Variants in SEC22C observed in about 807,000 individuals in gnomAD.
SEC22C encodes SEC22 homolog C, vesicle trafficking protein.
Under a neutral mutation model 34.7 loss-of-function variants are expected in SEC22C, and 29 were observed. The observed-to-expected ratio is 0.84, with a 90% CI of 0.62 to 1.14. The LOEUF (loss-of-function observed/expected upper bound fraction) is 1.14, where lower values mean the gene tolerates loss of function less well. Ranked by LOEUF, SEC22C falls within the 50% of genes most tolerant of loss-of-function variation. SEC22C has a pLI of 0.00. For missense variants in SEC22C, 337 were observed against 369.0 expected (o/e 0.91, Z 0.71); for synonymous variants, 117 against 132.8 (o/e 0.88, Z 0.82).
At chr3:42,599,299 T>C (rs897113916) in intron 1 of SEC22C, among the ~76,000 whole-genome samples, 1 of 151,158 alleles carries the variant, frequency 6.6e-6, no homozygotes, top group Non-Finnish European at 1.5e-5. Flanking sequence ...AAAAAAAAAC[T>C]TATAAAATAG....
At chr3:42,598,924 G>T (rs1238246854) in intron 1 of SEC22C, among the ~76,000 whole-genome samples, 3 of 145,932 alleles carry the variant, frequency 2.1e-5, no homozygotes, top group Admixed American at 2.0e-4. Context: ...TATATCTATA[G>T]ATCTATAGAT....
chr3:42,572,242 A>C (rs1420657598), intron 1 of SEC22C, among the ~76,000 whole-genome samples: 1 of 151,992 alleles, frequency 6.6e-6, no homozygotes, highest in Non-Finnish European at 1.5e-5. Context: ...AAGCCAAAAA[A>C]ACTTTGTTCT....
chr3:42,599,137 T>C lies in SEC22C; in HGVS notation c.-28+1823A>G, dbSNP rs372301111. Reference sequence around the variant, plus strand: ...ACCGCCACCACGCCCGGCTAATTTTTTGTATTTTTAGTAGAGAAAGGGTTT... The same window carrying C: ...ACCGCCACCACGCCCGGCTAATTTTCTGTATTTTTAGTAGAGAAAGGGTTT... On this transcript the variant is annotated intron_variant, in intron 1 of 6. Coordinates refer to the SEC22C transcript ENST00000417572. Among the ~76,000 whole-genome samples, 37 of 151,622 alleles carry C rather than the reference T, an allele frequency of 2.4e-4. No individual in the cohort carries two copies. In the East Asian group the frequency reaches 6.2e-3, roughly 25 times the overall value.
chr3:42,589,197 AG>A (rs1342787808), intron 1 of SEC22C, among the ~76,000 whole-genome samples: 1 of 150,088 alleles, frequency 6.7e-6, no homozygotes, highest in African/African-American at 2.5e-5. Flanking sequence ...TGAACCCGGG[AG>A]GCAGAGGTTG....
At position 42,581,230 on chromosome 3, in the gene SEC22C, A is replaced by G. The variant is rs147795597; in HGVS notation, c.-28+616T>C. 4 of 152,214 alleles carry G rather than the reference A, an allele frequency of 2.6e-5. No homozygotes were observed. In the East Asian group the frequency reaches 7.7e-4, roughly 29 times the overall value. 9.4% of individuals were successfully genotyped at this position (152,214 alleles called of 1,614,324 possible). A position where few individuals can be genotyped will look rare whatever the true frequency, so the allele number is the denominator to read the frequency against. ...ACCCTATATGTTGGTTCTGAGCTGT[A>G]TTTTTTTCTGACCATGTCACAAATT... On this transcript the variant is annotated intron_variant, in intron 1 of 6. Transcript: ENST00000264454.
At chr3:42,573,956 T>A (rs1703796977) in intron 1 of SEC22C, among the ~76,000 whole-genome samples, 1 of 152,224 alleles carries the variant, frequency 6.6e-6, no homozygotes, top group South Asian at 2.1e-4. Context: ...TTTCTGAATA[T>A]TTCCCAAACT....
intron 1 of SEC22C, chr3:42,600,903 T>G: frequency 1.2e-6 from 1 of 869,042 alleles, no homozygotes; most frequent in Non-Finnish European, 1.6e-6. Flanking sequence ...GGCGCGGACT[T>G]CGTCTCAGCC....
rs1208501866 is a variant in SEC22C at position 42,550,783 on chromosome 3, C to T, written c.*2465G>A. On this transcript the variant is annotated 3_prime_UTR_variant, in exon 7 of 7. Coordinates refer to ENST00000264454, the MANE Select transcript of SEC22C (RefSeq NM_032970.4). The stretch of plus-strand genomic sequence containing the variant: ...AATATGGATCATAGGCTCAGATGCC[C>T]AAAGCACCTGGGGTACAGGTCTACA... 2 of 984,858 alleles carry T rather than the reference C, an allele frequency of 2.0e-6. No homozygotes were observed. Among genetic ancestry groups the T allele is most frequent in the East Asian group, 2.3e-4 (2 of 8,806 alleles). 61.0% of individuals were successfully genotyped at this position (984,858 alleles called of 1,614,324 possible).
At chr3:42,576,117 T>C (rs1252468513) in intron 1 of SEC22C, among the ~76,000 whole-genome samples, 1 of 151,690 alleles carries the variant, frequency 6.6e-6, no homozygotes, top group Non-Finnish European at 1.5e-5. Flanking sequence ...ATCCGTAAGT[T>C]AAAAAGGAAA....
In SEC22C at chr3:42,553,458, G is replaced by A. The variant is rs1374755281; in HGVS notation, c.712-10C>T. ...ACAGGTACAAATAACACTGAAATGA[G>A]ACCAGAAGAGGAATTCCAATCAGAG... On this transcript the variant is annotated splice_polypyrimidine_tract_variant and intron_variant, in intron 6 of 6. Transcript: ENST00000264454. 3 of 1,610,916 alleles carry A rather than the reference G, an allele frequency of 1.9e-6. No individual in the cohort carries two copies.
In SEC22C at chr3:42,549,068, T is replaced by C; in HGVS notation, c.*4180A>G. ...AGTGAAGAGCCTAGCCAGCTGACGG[T>C]CAGCTGACTGGTGCACTCTTTCCCT... On this transcript the variant is annotated 3_prime_UTR_variant, in exon 7 of 7. Coordinates refer to ENST00000264454, the MANE Select transcript of SEC22C (RefSeq NM_032970.4). 1 of 996,922 alleles carries C rather than the reference T, an allele frequency of 1.0e-6. No homozygotes were observed. 61.8% of individuals were successfully genotyped at this position (996,922 alleles called of 1,614,324 possible).
intron 1 of SEC22C, among the ~76,000 whole-genome samples, chr3:42,590,617 T>C (rs935656185): frequency 7.4e-5 from 11 of 148,570 alleles, no homozygotes; most frequent in African/African-American, 2.5e-4. Flanking sequence ...AGCCTAACAC[T>C]GGAGGTGCTG....
chr3:42,592,871 C>G (rs1329361209), intron 1 of SEC22C, among the ~76,000 whole-genome samples: 7 of 152,084 alleles, frequency 4.6e-5, no homozygotes, highest in East Asian at 1.9e-4. Flanking sequence ...AACTCTACCC[C>G]CCCCACCGTA....
chr3:42,564,144 T>C lies in SEC22C; in HGVS notation c.183-458A>G, dbSNP rs9311325. The C allele has an allele frequency of 6.0e-3, 2,016 of 335,758 alleles. 37 individuals are homozygous for C. Among genetic ancestry groups the C allele is most frequent in the African/African-American group, 0.041 (1,904 of 46,418 alleles). The allele number at this position is 335,758 out of a possible 1,614,324, so 20.8% of individuals were successfully genotyped here. A position where few individuals can be genotyped will look rare whatever the true frequency, so the allele number is the denominator to read the frequency against. On this transcript the variant is annotated intron_variant, in intron 2 of 6. Transcript: ENST00000264454. ...GCTAACATTTTAATTGGGACTTTTGTGTCTATGCAAATAAGACTGGCCTAT... is the reference window on the plus strand; with the variant it reads ...GCTAACATTTTAATTGGGACTTTTGCGTCTATGCAAATAAGACTGGCCTAT...
rs1451465565 is a variant in SEC22C, at chr3:42,591,110, C to T, written c.-28+9850G>A. On this transcript the variant is annotated intron_variant, in intron 1 of 6. Transcript: ENST00000417572. ...CAGCCGGGGTGCGGGGTGAGATGGGCACGAAATCAGCACAGGCGCCGGGGC... is the reference window on the plus strand; with the variant it reads ...CAGCCGGGGTGCGGGGTGAGATGGGTACGAAATCAGCACAGGCGCCGGGGC... 6 of 948,312 alleles carry T rather than the reference C, an allele frequency of 6.3e-6. No homozygotes were observed. The East Asian group carries it at 1.3e-4, about 21-fold the overall frequency. 58.7% of individuals were successfully genotyped at this position (948,312 alleles called of 1,614,324 possible).
Position 42,552,926 on chromosome 3 carries a change from A to G in SEC22C, c.*322T>C, listed in dbSNP as rs747085811. The G allele has an allele frequency of 1.6e-5, 18 of 1,127,616 alleles. No individual in the cohort carries two copies. Among genetic ancestry groups the G allele is most frequent in the Non-Finnish European group, 2.0e-5 (18 of 916,514 alleles). The allele number at this position is 1,127,616 out of a possible 1,614,324, so 69.9% of individuals were successfully genotyped here. On this transcript the variant is annotated 3_prime_UTR_variant, in exon 7 of 7. Coordinates refer to ENST00000264454, the MANE Select transcript of SEC22C (RefSeq NM_032970.4). ...GTTATTGAATCAAGTGGTTTACTGTATCATTCAACTTAAAAGACCAAAATA... is the reference window on the plus strand; with the variant it reads ...GTTATTGAATCAAGTGGTTTACTGTGTCATTCAACTTAAAAGACCAAAATA...
chr3:42,594,599 T>A, intron 1 of SEC22C: 1 of 1,124,380 alleles, frequency 8.9e-7, no homozygotes, highest in East Asian at 2.4e-5. Context: ...AGACAGGGTC[T>A]TTACCAACTC....
chr3:42,574,388 A>G (rs1703832600), intron 1 of SEC22C, among the ~76,000 whole-genome samples: 2 of 151,562 alleles, frequency 1.3e-5, no homozygotes, highest in African/African-American at 4.8e-5. Flanking sequence ...AAAAAGGAAT[A>G]AAAGAAAAAT....
At chr3:42,591,089 C>A in intron 1 of SEC22C, 1 of 1,105,198 alleles carries the variant, frequency 9.0e-7, no homozygotes, top group Non-Finnish European at 1.3e-6. Flanking sequence ...GCTGAGCAGC[C>A]GGGGTGCGGG....
Sources: allele counts gnomAD v4.1 joint callset (sites outside exome capture counted in the v4.1 genomes callset), GRCh38; gene constraint gnomAD v4.1.1; transcripts MANE v1.5; gene names NCBI Gene and HGNC (gene_info 2026-07-23, HGNC 2026-07-21).